SPATA6: variants seen among roughly 807,000 people sequenced by gnomAD.
The protein encoded by SPATA6 is spermatogenesis-associated protein 6.
A neutral mutation model predicts 65.3 loss-of-function variants in SPATA6; 56 were observed. That is an observed-to-expected ratio of 0.86 (90% CI 0.69 to 1.07). The LOEUF (loss-of-function observed/expected upper bound fraction) is 1.07. Among genes scored for constraint, SPATA6 ranks in the 50% least tolerant of loss-of-function variants. The pLI is 0.00. For missense variants in SPATA6, 590 were observed against 594.8 expected, an observed-to-expected ratio of 0.99 and a Z score of 0.08; for synonymous variants, 199 against 213.2, an observed-to-expected ratio of 0.93 and a Z score of 0.58.
intron 3 of SPATA6, chr1:48,436,555 C>G: frequency 3.1e-6 from 5 of 1,612,382 alleles, no homozygotes; most frequent in Non-Finnish European, 4.2e-6. Flanking sequence ...TGGTGATGGC[C>G]TAGTGACCCT....
chr1:48,264,029 A>C, the SPATA6 span, among the ~76,000 whole-genome samples: 3 of 152,054 alleles, frequency 2.0e-5, no homozygotes, highest in African/African-American at 7.2e-5. Context: ...AAGTCTTGCT[A>C]TGTTGCCCAG....
chr1:48,298,550 C>T lies in SPATA6; in HGVS notation c.*163G>A, dbSNP rs11205467. On this transcript the variant is annotated 3_prime_UTR_variant, in exon 13 of 13. Transcript: ENST00000371847. ...GTAATAATTATTTTAAAAGGCTTGC[C>T]TATGATAATTTACCATTTGAAGTAA... is the stretch of plus-strand genomic sequence containing the variant. 2 of 622,656 alleles carry T rather than the reference C, an allele frequency of 3.2e-6. No individual in the cohort carries two copies. The highest frequency in any genetic ancestry group is 5.2e-6 in the Non-Finnish European group (2 of 383,616). The allele number at this position is 622,656 out of a possible 1,614,324, so 38.6% of individuals were successfully genotyped here. A position where few individuals can be genotyped will look rare whatever the true frequency, so the allele number is the denominator to read the frequency against.
intron 11 of SPATA6, among the ~76,000 whole-genome samples, chr1:48,320,719 T>C (rs904958441): frequency 6.6e-6 from 1 of 152,184 alleles, no homozygotes; most frequent in African/African-American, 2.4e-5. Context: ...AAACACAGCA[T>C]ATTATAACAC....
intron 1 of SPATA6, among the ~76,000 whole-genome samples, chr1:48,455,768 C>G (rs1198152640): frequency 1.3e-5 from 2 of 152,096 alleles, no homozygotes; most frequent in African/African-American, 4.8e-5. Flanking sequence ...TTTTTCTGGA[C>G]AGTACTGCTC....
chr1:48,295,562 T>C lies in SPATA6; in HGVS notation c.*3151A>G, dbSNP rs1336192755. 1.3e-5 allele frequency: 2 copies of C among 152,188 alleles called. No homozygotes were observed. Among genetic ancestry groups the C allele is most frequent in the Non-Finnish European group, 2.9e-5 (2 of 68,026 alleles). 9.4% of individuals were successfully genotyped at this position (152,188 alleles called of 1,614,324 possible). ...TGGAGACAAAAAGCATATAGTGGTT[T>C]CCAGGAGTTGTGGGGAGGAGGTAGT... On this transcript the variant is annotated 3_prime_UTR_variant, in exon 13 of 13. Coordinates refer to ENST00000371847, the MANE Select transcript of SPATA6 (RefSeq NM_019073.4).
intron 9 of SPATA6, among the ~76,000 whole-genome samples, chr1:48,378,595 A>C (rs894461103): frequency 6.6e-6 from 1 of 152,180 alleles, no homozygotes; most frequent in Non-Finnish European, 1.5e-5. Flanking sequence ...AAAGAGAAAA[A>C]TGAGGAAGAA....
At chr1:48,333,005 T>G (rs1056458421) in intron 11 of SPATA6, among the ~76,000 whole-genome samples, 1 of 152,150 alleles carries the variant, frequency 6.6e-6, no homozygotes, top group Non-Finnish European at 1.5e-5. Context: ...GGCAGTGTGA[T>G]GGTTAATGTT....
At chr1:48,413,864 A>G (rs1652506713) in intron 3 of SPATA6, among the ~76,000 whole-genome samples, 1 of 152,214 alleles carries the variant, frequency 6.6e-6, no homozygotes, top group Non-Finnish European at 1.5e-5. Flanking sequence ...AAAGTAAGCT[A>G]GAGAAAAGAA....
chr1:48,274,188 G>A, the SPATA6 span, among the ~76,000 whole-genome samples: 4 of 151,904 alleles, frequency 2.6e-5, no homozygotes, highest in Non-Finnish European at 4.4e-5. Context: ...TTTTTGATGG[G>A]GTTTTGTTTT....
chr1:48,337,259 T>A (rs1187731867), intron 11 of SPATA6, among the ~76,000 whole-genome samples: 1 of 151,896 alleles, frequency 6.6e-6, no homozygotes, highest in Non-Finnish European at 1.5e-5. Context: ...AGTGATTTGC[T>A]ATATTAAAAT....
At chr1:48,347,702 A>G (rs1346704159) in intron 11 of SPATA6, among the ~76,000 whole-genome samples, 1 of 151,852 alleles carries the variant, frequency 6.6e-6, no homozygotes, top group Non-Finnish European at 1.5e-5. Flanking sequence ...TTTAAGATTT[A>G]TAACTTTTCC....
At chr1:48,268,177 A>T in the SPATA6 span, among the ~76,000 whole-genome samples, 2 of 152,072 alleles carry the variant, frequency 1.3e-5, no homozygotes, top group African/African-American at 4.8e-5. Context: ...CACAGGTCCA[A>T]GGGTGGAGCC....
intron 3 of SPATA6, among the ~76,000 whole-genome samples, chr1:48,426,357 G>A (rs900449456): frequency 2.6e-5 from 4 of 152,128 alleles, no homozygotes; most frequent in African/African-American, 7.2e-5. Flanking sequence ...GTCTGAAGAC[G>A]GTAGATTAGT....
At chr1:48,347,352 AAAACC>A (rs1474150833) in intron 11 of SPATA6, among the ~76,000 whole-genome samples, 2 of 151,188 alleles carry the variant, frequency 1.3e-5, no homozygotes, top group African/African-American at 4.9e-5. Context: ...CAAAAATATA[AAAACC>A]CTGGAAGATA....
intron 3 of SPATA6, among the ~76,000 whole-genome samples, chr1:48,419,231 C>T (rs1570514665): frequency 6.6e-6 from 1 of 152,246 alleles, no homozygotes; most frequent in Non-Finnish European, 1.5e-5. Context: ...AGATAAAAAA[C>T]AGAGACTAAA....
chr1:48,435,974 T>C (rs1416855047), intron 3 of SPATA6: 1 of 1,601,296 alleles, frequency 6.2e-7, no homozygotes, highest in Non-Finnish European at 8.5e-7. Context: ...TCAATGTCTC[T>C]TTTGGATTGC....
chr1:48,438,367 G>A (rs1420443972), intron 3 of SPATA6, among the ~76,000 whole-genome samples: 1 of 152,080 alleles, frequency 6.6e-6, no homozygotes, highest in Non-Finnish European at 1.5e-5. Flanking sequence ...TAAATACCAG[G>A]CACCTGTTGG....
chr1:48,430,369 T>C lies in SPATA6; in HGVS notation c.239-17218A>G, dbSNP rs143032373. Reference sequence around the variant, plus strand: ...AAAGAAAAAACTAACAAGAATTCTATATCAAGCAAAACTCTCCTTCAAAAC... The same window carrying C: ...AAAGAAAAAACTAACAAGAATTCTACATCAAGCAAAACTCTCCTTCAAAAC... On this transcript the variant is annotated intron_variant, in intron 3 of 12. Transcript: ENST00000371847. Among the ~76,000 whole-genome samples, 359 of 152,194 alleles carry C rather than the reference T, an allele frequency of 2.4e-3. 1 individual carries two copies. The highest frequency in any genetic ancestry group is 7.8e-3 in the African/African-American group (326 of 41,536).
intron 11 of SPATA6, among the ~76,000 whole-genome samples, chr1:48,335,697 C>G (rs910999364): frequency 6.6e-6 from 1 of 152,084 alleles, no homozygotes; most frequent in African/African-American, 2.4e-5. Context: ...ATAACCTAGG[C>G]AATACCATTT....
Sources: gnomAD v4.1 joint callset for allele counts (sites outside exome capture counted in the v4.1 genomes callset) on GRCh38, gnomAD v4.1.1 for gene constraint, MANE v1.5 for transcripts, NCBI Gene and HGNC (gene_info 2026-07-23, HGNC 2026-07-21) for gene names.